Variants in SYT9 observed in about 807,000 individuals in gnomAD.
SYT9 encodes the protein synaptotagmin 9, also known as synaptotagmin-9.
A neutral mutation model predicts 48.4 loss-of-function variants in SYT9; 22 were observed. The observed-to-expected ratio is 0.45, with a 90% CI of 0.32 to 0.65. The LOEUF (loss-of-function observed/expected upper bound fraction) is 0.65. Ranked by LOEUF, SYT9 falls within the 30% of genes least tolerant of loss-of-function variation. The pLI is 0.03. For synonymous variants in SYT9, 265 were observed against 245.0 expected (o/e 1.08, Z -0.76); for missense variants, 577 against 622.0 (o/e 0.93, Z 0.77).
chr11:7,335,092 G>T (rs1181268985), intron 3 of SYT9, among the ~76,000 whole-genome samples: 2 of 152,112 alleles, frequency 1.3e-5, no homozygotes, highest in Non-Finnish European at 2.9e-5. Flanking sequence ...ATTTACACCA[G>T]CTATGAACTG....
intron 1 of SYT9, among the ~76,000 whole-genome samples, chr11:7,266,467 G>A (rs1476794987): frequency 6.6e-6 from 1 of 152,028 alleles, no homozygotes; most frequent in Non-Finnish European, 1.5e-5. Flanking sequence ...CTGCTTTAGA[G>A]GCCATTTATG....
intron 6 of SYT9, chr11:7,438,821 TC>T: frequency 6.6e-6 from 1 of 152,300 alleles, no homozygotes; most frequent in East Asian, 1.9e-4. Context: ...CCCATGCACC[TC>T]CTACATCCCG....
intron 6 of SYT9, among the ~76,000 whole-genome samples, chr11:7,430,626 T>A (rs1340230175): frequency 6.6e-6 from 1 of 152,094 alleles, no homozygotes; most frequent in East Asian, 1.9e-4. Context: ...ATGTTGGAGG[T>A]GGGGCCTGAT....
chr11:7,355,375 G>A (rs1849999670), intron 3 of SYT9, among the ~76,000 whole-genome samples: 1 of 152,312 alleles, frequency 6.6e-6, no homozygotes, highest in East Asian at 1.9e-4. Flanking sequence ...ACCAGATGTG[G>A]CTTCCTGTGT....
intron 3 of SYT9, among the ~76,000 whole-genome samples, chr11:7,362,014 T>C (rs896584384): frequency 6.6e-6 from 1 of 152,212 alleles, no homozygotes; most frequent in African/African-American, 2.4e-5. Flanking sequence ...AAAAGCCCTA[T>C]GCTAGCTAAA....
chr11:7,265,251 G>A (rs1848156497), intron 1 of SYT9, among the ~76,000 whole-genome samples: 1 of 152,092 alleles, frequency 6.6e-6, no homozygotes, highest in African/African-American at 2.4e-5. Context: ...CATTAAGTTT[G>A]GGATGTGTAT....
At chr11:7,360,480 A>G (rs1850113335) in intron 3 of SYT9, among the ~76,000 whole-genome samples, 1 of 152,158 alleles carries the variant, frequency 6.6e-6, no homozygotes, top group Non-Finnish European at 1.5e-5. Flanking sequence ...CTTCCTACTC[A>G]TGAGCATGGA....
At chr11:7,245,492 C>T (rs1847781949) in intron 1 of SYT9, among the ~76,000 whole-genome samples, 1 of 150,480 alleles carries the variant, frequency 6.6e-6, no homozygotes, top group Non-Finnish European at 1.5e-5. Flanking sequence ...AGGCTTTTTT[C>T]GTCAGCATAT....
chr11:7,394,307 G>C (rs993583048), intron 3 of SYT9, among the ~76,000 whole-genome samples: 3 of 151,912 alleles, frequency 2.0e-5, no homozygotes, highest in African/African-American at 7.3e-5. Flanking sequence ...TTTTTTATAG[G>C]TGCATAGTAT....
At chr11:7,365,963 T>A (rs1051251967) in intron 3 of SYT9, among the ~76,000 whole-genome samples, 1 of 152,216 alleles carries the variant, frequency 6.6e-6, no homozygotes, top group Admixed American at 6.5e-5. Flanking sequence ...CCTGTTCTGC[T>A]GATGTACCCT....
At chr11:7,318,475 G>A (rs1274229268) in intron 3 of SYT9, among the ~76,000 whole-genome samples, 1 of 151,958 alleles carries the variant, frequency 6.6e-6, no homozygotes, top group Non-Finnish European at 1.5e-5. Context: ...TACCACGTCT[G>A]GCTAATTTTT....
intron 3 of SYT9, among the ~76,000 whole-genome samples, chr11:7,398,632 G>T (rs575886925): frequency 1.3e-3 from 192 of 152,072 alleles, no homozygotes; most frequent in Non-Finnish European, 2.0e-3. Flanking sequence ...GGACAGTCTC[G>T]ATTACAGTTT....
chr11:7,379,677 T>A (rs925063553), intron 3 of SYT9, among the ~76,000 whole-genome samples: 6 of 152,170 alleles, frequency 3.9e-5, no homozygotes, highest in Admixed American at 2.6e-4. Context: ...ATCTTAATAG[T>A]TCCTCATTAC....
At chr11:7,273,559 G>T (rs945225673) in intron 1 of SYT9, among the ~76,000 whole-genome samples, 5 of 152,114 alleles carry the variant, frequency 3.3e-5, no homozygotes, top group African/African-American at 1.2e-4. Context: ...CACAAGAGTT[G>T]CTTAAAAGAA....
intron 1 of SYT9, among the ~76,000 whole-genome samples, chr11:7,255,353 G>A (rs1403597284): frequency 6.7e-6 from 1 of 149,136 alleles, no homozygotes; most frequent in Non-Finnish European, 1.5e-5. Flanking sequence ...GAGTTAGAGA[G>A]GGTGGATCAT....
At chr11:7,331,593 G>A (rs61889419) in intron 3 of SYT9, among the ~76,000 whole-genome samples, 4,717 of 152,078 alleles carry the variant, frequency 0.031, 109 homozygotes, top group Non-Finnish European at 0.043. Context: ...ACATGGTGGC[G>A]GGTGCCTATA....
At chr11:7,413,235 G>T (rs1304648037) in intron 3 of SYT9, among the ~76,000 whole-genome samples, 2 of 152,154 alleles carry the variant, frequency 1.3e-5, no homozygotes, top group Non-Finnish European at 1.5e-5. Flanking sequence ...GTGACAGCGG[G>T]ATTTATCCTT....
intron 1 of SYT9, among the ~76,000 whole-genome samples, chr11:7,286,476 G>T (rs1011632197): frequency 2.0e-5 from 3 of 152,212 alleles, no homozygotes; most frequent in African/African-American, 7.2e-5. Flanking sequence ...GGAAGGGACT[G>T]CCATAAAGGT....
chr11:7,268,866 T>C (rs1239720565), intron 1 of SYT9, among the ~76,000 whole-genome samples: 2 of 152,086 alleles, frequency 1.3e-5, no homozygotes, highest in African/African-American at 2.4e-5. Context: ...TTCCAGGAAG[T>C]TTCCTCATAT....
Sources: gnomAD v4.1 joint callset for allele counts (sites outside exome capture counted in the v4.1 genomes callset) on GRCh38, gnomAD v4.1.1 for gene constraint, MANE v1.5 for transcripts, NCBI Gene and HGNC (gene_info 2026-07-23, HGNC 2026-07-21) for gene names.